SKA2: variants seen among roughly 807,000 people sequenced by gnomAD.
SKA2 encodes spindle and kinetochore-associated protein 2.
In SKA2, 13 loss-of-function variants were observed where a neutral mutation model predicts 16.9. The observed-to-expected ratio is 0.77, with a 90% CI of 0.50 to 1.22. SKA2 has a LOEUF of 1.22. SKA2 is among the 50% of genes most tolerant of loss of function. The pLI, the probability that SKA2 is intolerant of heterozygous loss-of-function variation, is 0.00. For missense variants in SKA2, 107 were observed against 139.7 expected (o/e 0.77, Z 1.18); for synonymous variants, 47 against 48.5 (o/e 0.97, Z 0.13).
rs2046267301 is a variant in SKA2, at chr17:59,112,124, T to C, written c.*153A>G. 1.6e-6 allele frequency: 1 copy of C among 611,260 alleles called. No individual in the cohort carries two copies. Among genetic ancestry groups the C allele is most frequent in the South Asian group, 2.1e-5 (1 of 46,534 alleles). 37.9% of individuals were successfully genotyped at this position (611,260 alleles called of 1,614,324 possible). On this transcript the variant is annotated 3_prime_UTR_variant, in exon 4 of 4. Coordinates refer to ENST00000330137, the MANE Select transcript of SKA2 (RefSeq NM_182620.4). ...ATTATCTGCCCTTCTTCTTATAATC[T>C]CTCTCATGAAAGATATCATTATCCA...
At chr17:59,155,053 A>T in intron 1 of SKA2, 78 bp downstream of exon 1, 1 of 1,613,724 alleles carries the variant, frequency 6.2e-7, no homozygotes, top group Non-Finnish European at 8.5e-7. Context: ...GTTTCCGGCG[A>T]CTCCAAATTG....
intron 2 of SKA2, among the ~76,000 whole-genome samples, chr17:59,124,772 A>G (rs1464486059): frequency 1.3e-5 from 2 of 152,218 alleles, no homozygotes; most frequent in Non-Finnish European, 2.9e-5. Flanking sequence ...GCAGCTACCC[A>G]TAATACATGT....
At chr17:59,148,978 G>A (rs1378799239) in intron 1 of SKA2, among the ~76,000 whole-genome samples, 1 of 152,072 alleles carries the variant, frequency 6.6e-6, no homozygotes, top group Non-Finnish European at 1.5e-5. Context: ...ACTGTTAGAA[G>A]GGTTAAAATT....
intron 2 of SKA2, among the ~76,000 whole-genome samples, chr17:59,123,438 T>G (rs924087944): frequency 4.0e-5 from 6 of 151,382 alleles, no homozygotes; most frequent in Non-Finnish European, 8.8e-5. Flanking sequence ...GTGCCTGTAA[T>G]CCCAGCTACT....
chr17:59,119,576 C>G, intron 2 of SKA2, 81 bp from the exon 3 acceptor site: 2 of 1,210,648 alleles, frequency 1.7e-6, no homozygotes, highest in Non-Finnish European at 2.4e-6. Context: ...ATACATACAA[C>G]ACATTCTACC....
rs1021333089 is a variant in SKA2, at chr17:59,109,908, TAAG to T, written c.*2366_*2368del. 1.5e-4 allele frequency: 23 copies of T among 152,234 alleles called. No individual in the cohort carries two copies. Among genetic ancestry groups the T allele is most frequent in the African/African-American group, 5.5e-4 (23 of 41,532 alleles). The allele number at this position is 152,234 out of a possible 1,614,324, so 9.4% of individuals were successfully genotyped here. ...CAAATGAGAAACAAAAGATCTAAATTAAGGAGGTGTGAAGATAATGTAGAGGTT... is the reference window on the plus strand; with the variant it reads ...CAAATGAGAAACAAAAGATCTAAATTGAGGTGTGAAGATAATGTAGAGGTT... On this transcript the variant is annotated 3_prime_UTR_variant, in exon 4 of 4. Transcript: ENST00000330137.
In SKA2 at chr17:59,110,832, T is replaced by G. The variant is rs996180533; in HGVS notation, c.*1445A>C. 1 of 150,168 alleles carries G rather than the reference T, an allele frequency of 6.7e-6. No individual in the cohort carries two copies. The highest frequency in any genetic ancestry group is 3.2e-3 in the Middle Eastern group (1 of 310). 9.3% of individuals were successfully genotyped at this position (150,168 alleles called of 1,614,324 possible). On this transcript the variant is annotated 3_prime_UTR_variant, in exon 4 of 4. Transcript: ENST00000330137. ...AAAAAGGCTTTCTGTTCTTGAAATA[T>G]TCAAACTAGACAGGACAATTTTAAC...
chr17:59,141,584 T>C (rs183964226), intron 1 of SKA2, among the ~76,000 whole-genome samples: 75 of 150,732 alleles, frequency 5.0e-4, no homozygotes, highest in Admixed American at 4.2e-3. Context: ...ATACAAAAAC[T>C]AGCCAGTGTG....
intron 2 of SKA2, among the ~76,000 whole-genome samples, chr17:59,124,821 A>C (rs2046359908): frequency 6.6e-6 from 1 of 152,302 alleles, no homozygotes; most frequent in Middle Eastern, 3.4e-3. Context: ...CTGACATGGC[A>C]GTGAGTAATT....
chr17:59,140,612 TA>T (rs1240950059), intron 1 of SKA2, among the ~76,000 whole-genome samples: 3 of 151,706 alleles, frequency 2.0e-5, no homozygotes, highest in Admixed American at 6.6e-5. Context: ...TTGTACTATT[TA>T]TTTTTTTATT....
chr17:59,138,080 A>G (rs1352548803), intron 1 of SKA2, among the ~76,000 whole-genome samples: 3 of 152,082 alleles, frequency 2.0e-5, no homozygotes, highest in African/African-American at 4.8e-5. Flanking sequence ...AAAACTAGTG[A>G]TTTTTGTAAA....
chr17:59,129,627 G>A (rs1270695076), intron 2 of SKA2, among the ~76,000 whole-genome samples: 1 of 152,008 alleles, frequency 6.6e-6, no homozygotes, highest in African/African-American at 2.4e-5. Context: ...GGAGGCTGAG[G>A]CGGGTGGATC....
rs1056220974 is a variant in SKA2, at chr17:59,110,964, C to G, written c.*1313G>C. The stretch of plus-strand genomic sequence containing the variant: ...TTACATAAAAGTATAATTCTATAAC[C>G]TGCAGAACTAACATTTGATGCATTT... On this transcript the variant is annotated 3_prime_UTR_variant, in exon 4 of 4. Transcript: ENST00000330137. 6.6e-6 allele frequency: 1 copy of G among 152,048 alleles called. No homozygotes were observed. The allele number at this position is 152,048 out of a possible 1,614,324, so 9.4% of individuals were successfully genotyped here. A position where few individuals can be genotyped will look rare whatever the true frequency, so the allele number is the denominator to read the frequency against.
intron 1 of SKA2, 70 bp from the exon 2 acceptor site, chr17:59,131,437 T>TG (rs2046411255): frequency 9.6e-7 from 1 of 1,044,602 alleles, no homozygotes; most frequent in Non-Finnish European, 1.3e-6. Context: ...TTTATTCTTT[T>TG]TTTCTCTTTA....
At chr17:59,150,995 G>GTTT in intron 1 of SKA2, 1 of 310,696 alleles carries the variant, frequency 3.2e-6, no homozygotes, top group Non-Finnish European at 6.5e-6. Flanking sequence ...TAGTTAAAAG[G>GTTT]TTTTTTTTTT....
rs1286351716 is a variant in SKA2, at chr17:59,112,246, C to G, written c.*31G>C. Reference sequence around the variant, plus strand: ...AATTTCTCCGGAATTAAGCTCTTCTCTGTTAGAATTTCCTTTCCAAGTCCA... The same window carrying G: ...AATTTCTCCGGAATTAAGCTCTTCTGTGTTAGAATTTCCTTTCCAAGTCCA... On this transcript the variant is annotated 3_prime_UTR_variant, in exon 4 of 4. Transcript: ENST00000330137. The G allele has an allele frequency of 6.4e-7, 1 of 1,561,970 alleles. No homozygotes were observed. Among genetic ancestry groups the G allele is most frequent in the Non-Finnish European group, 8.8e-7 (1 of 1,139,986 alleles).
intron 3 of SKA2, among the ~76,000 whole-genome samples, chr17:59,116,031 T>C (rs966279846): frequency 2.6e-5 from 4 of 152,182 alleles, no homozygotes; most frequent in Admixed American, 6.5e-5. Context: ...GTTTAGTCCC[T>C]TTTTTCTTTT....
chr17:59,135,024 G>A (rs1015218802), intron 1 of SKA2, among the ~76,000 whole-genome samples: 8 of 151,840 alleles, frequency 5.3e-5, no homozygotes, highest in Non-Finnish European at 7.4e-5. Flanking sequence ...TAGTAGAGAC[G>A]GGGTTTCACC....
At chr17:59,151,245 A>G (rs1256122929) in intron 1 of SKA2, 1 of 493,480 alleles carries the variant, frequency 2.0e-6, no homozygotes, top group Non-Finnish European at 4.2e-6. Context: ...GGAACACAAA[A>G]GCATCTTGCA....
Sources: gnomAD v4.1 joint callset for allele counts (sites outside exome capture counted in the v4.1 genomes callset) on GRCh38, gnomAD v4.1.1 for gene constraint, MANE v1.5 for transcripts, NCBI Gene and HGNC (gene_info 2026-07-23, HGNC 2026-07-21) for gene names.